Variants in CDK6 observed in about 807,000 individuals in gnomAD.
CDK6 encodes cyclin dependent kinase 6, also known as cyclin-dependent kinase 6.
CDK6 carries 6 observed loss-of-function variants against 37.1 expected under a neutral mutation model. That is an observed-to-expected ratio of 0.16 (90% CI 0.09 to 0.32). The LOEUF is 0.32. Among genes scored for constraint, CDK6 ranks in the 10% least tolerant of loss-of-function variants. CDK6 has a pLI of 1.00. For synonymous variants in CDK6, 160 were observed against 161.3 expected (o/e 0.99, Z 0.06); for missense variants, 224 against 418.9 (o/e 0.53, Z 4.06).
At chr7:92,831,730 T>C (rs1370808485) in intron 2 of CDK6, among the ~76,000 whole-genome samples, 1 of 152,240 alleles carries the variant, frequency 6.6e-6, no homozygotes, top group African/African-American at 2.4e-5. Context: ...TATTTATATA[T>C]TTATGATTCT....
Position 92,759,710 on chromosome 7 carries a change from AAAAAAAG to A in CDK6, c.369+14979_369+14985del, listed in dbSNP as rs1490663770. 7.3e-5 allele frequency among the ~76,000 whole-genome samples: 11 copies of A among 151,516 alleles called. No individual in the cohort carries two copies. The South Asian group carries it at 1.5e-3, about 20-fold the overall frequency. On this transcript the variant is annotated intron_variant, in intron 3 of 7. Transcript: ENST00000424848. ...CAGACTTTAAGGCAAAAAAAAAAAA[AAAAAAAG>A]AAAAAAGAAAGCTTAAAAAAAAACC...
At chr7:92,735,911 TA>T (rs1182506517) in intron 3 of CDK6, among the ~76,000 whole-genome samples, 8 of 152,150 alleles carry the variant, frequency 5.3e-5, no homozygotes, top group Non-Finnish European at 1.0e-4. Context: ...AGTGGAGGCA[TA>T]AAAGTATTAA....
intron 2 of CDK6, among the ~76,000 whole-genome samples, chr7:92,794,499 T>C (rs146518481): frequency 6.6e-6 from 1 of 152,232 alleles, no homozygotes; most frequent in African/African-American, 2.4e-5. Context: ...TAAAAATACT[T>C]ACAGTTGCTA....
intron 7 of CDK6, among the ~76,000 whole-genome samples, chr7:92,616,658 T>C (rs914009724): frequency 1.3e-5 from 2 of 152,070 alleles, no homozygotes; most frequent in Admixed American, 1.3e-4. Flanking sequence ...AGGAGAAAAT[T>C]AGGTAGTGGC....
chr7:92,771,231 A>G (rs1459442233), intron 3 of CDK6, among the ~76,000 whole-genome samples: 1 of 150,508 alleles, frequency 6.6e-6, no homozygotes, highest in Non-Finnish European at 1.5e-5. Flanking sequence ...TCTCAAAAAA[A>G]AAAAATAAAT....
At chr7:92,787,537 T>C (rs1396865009) in intron 2 of CDK6, among the ~76,000 whole-genome samples, 1 of 152,142 alleles carries the variant, frequency 6.6e-6, no homozygotes, top group Admixed American at 6.5e-5. Context: ...ATTTTTTGTT[T>C]ATGTTTTGTT....
chr7:92,682,890 C>T lies in CDK6; in HGVS notation c.538-11355G>A, dbSNP rs367918928. Among the ~76,000 whole-genome samples the T allele has an allele frequency of 1.1e-3, 172 of 152,250 alleles. 1 individual carries two copies. Among genetic ancestry groups the T allele is most frequent in the African/African-American group, 4.1e-3 (169 of 41,534 alleles). ...ATGAAGTTTTAAAATGCCTGAAGGG[C>T]CTATGTTTTCCTTCAGGCTGCACTG... On this transcript the variant is annotated intron_variant, in intron 4 of 7. Coordinates refer to ENST00000424848, the MANE Select transcript of CDK6 (RefSeq NM_001145306.2).
At chr7:92,716,450 C>T (rs1036285464) in intron 4 of CDK6, among the ~76,000 whole-genome samples, 1 of 152,174 alleles carries the variant, frequency 6.6e-6, no homozygotes, top group African/African-American at 2.4e-5. Context: ...TCACCATGTA[C>T]TCAAGTGCCC....
At chr7:92,645,489 A>T (rs1796425966) in intron 5 of CDK6, among the ~76,000 whole-genome samples, 1 of 152,192 alleles carries the variant, frequency 6.6e-6, no homozygotes, top group South Asian at 2.1e-4. Flanking sequence ...TGATAATAAG[A>T]TTTCCAAGCA....
At chr7:92,672,168 C>CACACACAG (rs1797091562) in intron 4 of CDK6, among the ~76,000 whole-genome samples, 1 of 92,764 alleles carries the variant, frequency 1.1e-5, no homozygotes, top group Non-Finnish European at 2.1e-5. Context: ...TATACACATA[C>CACACACAG]ACACACACAC....
At chr7:92,651,555 T>C (rs1796574860) in intron 5 of CDK6, among the ~76,000 whole-genome samples, 1 of 151,930 alleles carries the variant, frequency 6.6e-6, no homozygotes, top group Non-Finnish European at 1.5e-5. Context: ...CAGAAGTGAG[T>C]TAGGGACTAG....
rs111482614 is a variant in CDK6 at position 92,688,465 on chromosome 7, T to C, written c.538-16930A>G. Reference sequence around the variant, plus strand: ...GTGTGACTCAGTAGTTCAAGACAACTGTAAAATATTAGGCTTTTTTTCTGA... The same window carrying C: ...GTGTGACTCAGTAGTTCAAGACAACCGTAAAATATTAGGCTTTTTTTCTGA... On this transcript the variant is annotated intron_variant, in intron 4 of 7. Coordinates refer to ENST00000424848, the MANE Select transcript of CDK6 (RefSeq NM_001145306.2). Among the ~76,000 whole-genome samples the C allele has an allele frequency of 1.6e-3, 243 of 152,220 alleles. 1 individual carries two copies. Among genetic ancestry groups the C allele is most frequent in the African/African-American group, 5.4e-3 (224 of 41,558 alleles).
At chr7:92,717,218 C>T (rs1033735542) in intron 4 of CDK6, among the ~76,000 whole-genome samples, 6 of 151,904 alleles carry the variant, frequency 3.9e-5, no homozygotes, top group African/African-American at 1.5e-4. Context: ...TGGTGTGAAC[C>T]TGTAGTCCTA....
chr7:92,750,446 A>G (rs780216137), intron 3 of CDK6, among the ~76,000 whole-genome samples: 31 of 152,152 alleles, frequency 2.0e-4, no homozygotes, highest in Non-Finnish European at 3.4e-4. Context: ...TTTGGTTACA[A>G]TCCTAATTTG....
intron 2 of CDK6, 95 bp from the exon 3 acceptor site, chr7:92,774,926 A>C: frequency 8.9e-7 from 1 of 1,119,166 alleles, no homozygotes; most frequent in East Asian, 2.7e-5. Flanking sequence ...CTCATAATAG[A>C]AAAAAAAGGC....
chr7:92,640,035 T>C (rs1008484329), intron 5 of CDK6, among the ~76,000 whole-genome samples: 3 of 152,212 alleles, frequency 2.0e-5, no homozygotes, highest in Non-Finnish European at 2.9e-5. Context: ...ATATGTTTAA[T>C]GTATATATAG....
chr7:92,658,570 ACTCTCTCTCTTTCTCTCTCTCTCTCT>A (rs1418211224), intron 5 of CDK6, among the ~76,000 whole-genome samples: 1 of 145,610 alleles, frequency 6.9e-6, no homozygotes, highest in African/African-American at 2.5e-5. Context: ...GCATTTATAA[ACTCTCTCTCTTTCTCTCTCTCTCTCT>A]CTCTCTCTCT....
chr7:92,724,469 C>T (rs1374148915), intron 4 of CDK6, among the ~76,000 whole-genome samples: 1 of 151,808 alleles, frequency 6.6e-6, no homozygotes, highest in Non-Finnish European at 1.5e-5. Context: ...TGGTAGCACC[C>T]CTATTTTGAC....
chr7:92,607,673 T>C lies in CDK6; in HGVS notation c.*7467A>G. 1 of 232,724 alleles carries C rather than the reference T, an allele frequency of 4.3e-6. No individual in the cohort carries two copies. Among genetic ancestry groups the C allele is most frequent in the East Asian group, 6.1e-5 (1 of 16,446 alleles). The allele number at this position is 232,724 out of a possible 1,614,324, so 14.4% of individuals were successfully genotyped here. On this transcript the variant is annotated 3_prime_UTR_variant, in exon 8 of 8. Coordinates refer to ENST00000424848, the MANE Select transcript of CDK6 (RefSeq NM_001145306.2). ...TAGTGTGATTCAGAAATAAATAACA[T>C]ACATGAATAATAATAGAAATAATTT...
Sources: gnomAD v4.1 joint callset for allele counts (sites outside exome capture counted in the v4.1 genomes callset) on GRCh38, gnomAD v4.1.1 for gene constraint, MANE v1.5 for transcripts, NCBI Gene and HGNC (gene_info 2026-07-23, HGNC 2026-07-21) for gene names.